SATB2: variants seen among roughly 807,000 people sequenced by gnomAD.
The protein encoded by SATB2 is SATB homeobox 2.
Under a neutral mutation model 73.4 loss-of-function variants are expected in SATB2, and 1 was observed. That is an observed-to-expected ratio of 0.01 (90% CI 0.00 to 0.06). The LOEUF is 0.06. SATB2 is among the 10% of genes least tolerant of loss of function. The pLI is 1.00. For missense variants in SATB2, 459 were observed against 945.8 expected (o/e 0.49, Z 6.75); for synonymous variants, 397 against 367.0 (o/e 1.08, Z -0.93).
intron 7 of SATB2, 199 bp downstream of exon 7, chr2:199,348,502 A>G: frequency 1.6e-6 from 1 of 616,826 alleles, no homozygotes; most frequent in Non-Finnish European, 2.8e-6. Flanking sequence ...TTACCTCATC[A>G]AAATTAATCA....
At chr2:199,403,595 C>G (rs1230139276) in intron 3 of SATB2, among the ~76,000 whole-genome samples, 1 of 152,162 alleles carries the variant, frequency 6.6e-6, no homozygotes, top group African/African-American at 2.4e-5. Flanking sequence ...AATCGCTGCT[C>G]TTTCCTTGCA....
chr2:199,291,418 A>G (rs1489801012), intron 10 of SATB2, among the ~76,000 whole-genome samples: 3 of 152,226 alleles, frequency 2.0e-5, no homozygotes, highest in African/African-American at 7.2e-5. Flanking sequence ...CTAGAGGCCA[A>G]ATATGAGCCA....
rs1048382427 is a variant in SATB2, at chr2:199,270,211, C to CA, written c.*1999dup. On this transcript the variant is annotated 3_prime_UTR_variant, in exon 11 of 11. Transcript: ENST00000417098. ...TTGCAAAGGTATATGACGCTTATGT[C>CA]AAGATAATTTTTAAACATCATTATT... 6.5e-6 allele frequency: 1 copy of CA among 152,696 alleles called. No homozygotes were observed. The highest frequency in any genetic ancestry group is 2.4e-5 in the African/African-American group (1 of 41,434). 9.5% of individuals were successfully genotyped at this position (152,696 alleles called of 1,614,324 possible).
chr2:199,417,447 G>A lies in SATB2; in HGVS notation c.346+15891C>T, dbSNP rs527706972. On this transcript the variant is annotated intron_variant, in intron 3 of 10. Coordinates refer to ENST00000417098, the MANE Select transcript of SATB2 (RefSeq NM_001172509.2). ...CACTTGAGAAGAAGAGAAAAGATATGAGCAACTATTTCAGAGGAGGAATGG... is the reference window on the plus strand; with the variant it reads ...CACTTGAGAAGAAGAGAAAAGATATAAGCAACTATTTCAGAGGAGGAATGG... 7.3e-4 allele frequency among the ~76,000 whole-genome samples: 111 copies of A among 152,304 alleles called. 1 individual carries two copies. Among genetic ancestry groups the A allele is most frequent in the African/African-American group, 2.3e-3 (96 of 41,574 alleles).
intron 9 of SATB2, among the ~76,000 whole-genome samples, chr2:199,319,303 C>T (rs574618807): frequency 7.2e-5 from 11 of 152,228 alleles, no homozygotes; most frequent in African/African-American, 2.6e-4. Flanking sequence ...GCATAGGTAG[C>T]ATGGAGGATT....
chr2:199,380,345 C>A lies in SATB2; in HGVS notation c.597+19G>T. 1.2e-6 allele frequency: 2 copies of A among 1,613,892 alleles called. No individual in the cohort carries two copies. Among genetic ancestry groups the A allele is most frequent in the South Asian group, 2.2e-5 (2 of 91,072 alleles). On this transcript the variant is annotated intron_variant, in intron 5 of 10. Transcript: ENST00000417098. ...AATGGCTTCTTCTGTTTCCCAGACC[C>A]CCACCTGAAGATACTGACCTGGGAG...
At chr2:199,304,387 C>G (rs1687372275) in intron 10 of SATB2, among the ~76,000 whole-genome samples, 1 of 151,632 alleles carries the variant, frequency 6.6e-6, no homozygotes, top group South Asian at 2.1e-4. Context: ...TTTGGTTTGC[C>G]TTACAAGGTC....
intron 3 of SATB2, among the ~76,000 whole-genome samples, chr2:199,417,630 TA>T (rs1439262098): frequency 2.0e-5 from 3 of 152,196 alleles, no homozygotes; most frequent in Non-Finnish European, 4.4e-5. Flanking sequence ...GTCCCAAGAC[TA>T]TAACTCACTA....
chr2:199,415,933 C>G (rs183250239), intron 3 of SATB2, among the ~76,000 whole-genome samples: 1 of 152,314 alleles, frequency 6.6e-6, no homozygotes, highest in East Asian at 1.9e-4. Flanking sequence ...CCCCACCAAG[C>G]CTGTGTGCCA....
intron 7 of SATB2, among the ~76,000 whole-genome samples, chr2:199,345,211 A>T (rs1186714372): frequency 6.6e-6 from 1 of 151,990 alleles, no homozygotes; most frequent in African/African-American, 2.4e-5. Context: ...GCTCTGTGAC[A>T]ACATCTCTAA....
Position 199,323,914 on chromosome 2 carries a change from G to C in SATB2, c.1431C>G (p.Asp477Glu), listed in dbSNP as rs765952558. The change falls in exon 9 of 11, where the codon GAC becomes GAG. Residue 477 changes from aspartate (D) to glutamate (E), a missense_variant. Asp to Glu is a conservative substitution (Grantham distance 45). Coordinates refer to ENST00000417098, the MANE Select transcript of SATB2 (RefSeq NM_001172509.2). ...TPTTDLPIKV[D>E]GANINITAAI... ...CAGCTGTGATGTTGATGTTGGCGCC[G>C]TCCACCTTAATAGGGAGGTCTGTTG... 6.2e-7 allele frequency: 1 copy of C among 1,613,374 alleles called. No homozygotes were observed. The highest frequency in any genetic ancestry group is 2.2e-5 in the East Asian group (1 of 44,860).
chr2:199,323,997 T>C, intron 8 of SATB2, 39 bp from the exon 9 acceptor site: 2 of 1,610,840 alleles, frequency 1.2e-6, no homozygotes, highest in Non-Finnish European at 1.7e-6. Flanking sequence ...TAAAAAGTGC[T>C]GCATTCAGCC....
intron 7 of SATB2, among the ~76,000 whole-genome samples, chr2:199,344,368 C>G (rs942957028): frequency 2.6e-5 from 4 of 152,114 alleles, no homozygotes; most frequent in Non-Finnish European, 5.9e-5. Flanking sequence ...AGGACCAGAG[C>G]CTTTCATAAC....
chr2:199,465,268 CTGT>C (rs1322797887), upstream of SATB2: 2 of 152,178 alleles, frequency 1.3e-5, no homozygotes, highest in African/African-American at 4.8e-5. Flanking sequence ...CAAAGGTGAA[CTGT>C]TGTTATTTCT....
At chr2:199,458,193 G>C (rs1458869965), upstream of SATB2, 1 of 210,442 alleles carries the variant, frequency 4.8e-6, no homozygotes, top group Non-Finnish European at 9.6e-6. Flanking sequence ...AAGAAAAGAG[G>C]GGAGTGGGGG....
In SATB2 at chr2:199,272,118, A is replaced by T. The variant is rs1467452757; in HGVS notation, c.*93T>A. ...AATAAAGCCAAAAAAACCCAAAAAC[A>T]AAAACAAAAAACAAACTAACAAAAA... On this transcript the variant is annotated 3_prime_UTR_variant, in exon 11 of 11. Coordinates refer to ENST00000417098, the MANE Select transcript of SATB2 (RefSeq NM_001172509.2). The surrounding 1 kb of genome is among the most constrained non-coding windows in gnomAD (Gnocchi z 6.7). 6 of 1,330,348 alleles carry T rather than the reference A, an allele frequency of 4.5e-6. No homozygotes were observed. The highest frequency in any genetic ancestry group is 5.3e-6 in the Non-Finnish European group (5 of 935,166). 82.4% of individuals were successfully genotyped at this position (1,330,348 alleles called of 1,614,324 possible).
chr2:199,442,969 C>T (rs961978650), intron 2 of SATB2, among the ~76,000 whole-genome samples: 1 of 150,792 alleles, frequency 6.6e-6, no homozygotes, highest in East Asian at 1.9e-4. Flanking sequence ...TTTATGAATG[C>T]TAGGGTTTCT....
chr2:199,331,815 AC>A (rs1208382779), intron 7 of SATB2, among the ~76,000 whole-genome samples: 1 of 152,132 alleles, frequency 6.6e-6, no homozygotes, highest in Non-Finnish European at 1.5e-5. Flanking sequence ...ACCACAAATC[AC>A]CCCACCTAAT....
chr2:199,450,989 T>C (rs1692106103), intron 2 of SATB2, among the ~76,000 whole-genome samples: 1 of 152,060 alleles, frequency 6.6e-6, no homozygotes, highest in South Asian at 2.1e-4. Flanking sequence ...ATATCTCATA[T>C]GTACAGACTT....
Sources: allele counts gnomAD v4.1 joint callset (sites outside exome capture counted in the v4.1 genomes callset), GRCh38; gene constraint gnomAD v4.1.1; non-coding constraint Gnocchi (gnomAD v3.1); transcripts MANE v1.5; gene names NCBI Gene and HGNC (gene_info 2026-07-23, HGNC 2026-07-21).